Variants in CCDC141 observed in about 807,000 individuals in gnomAD.
CCDC141 encodes the protein coiled-coil domain-containing protein 141.
Under a neutral mutation model 181.0 loss-of-function variants are expected in CCDC141, and 168 were observed. The observed-to-expected ratio is 0.93, with a 90% CI of 0.82 to 1.05. CCDC141 has a LOEUF of 1.05. Ranked by LOEUF, CCDC141 falls within the 50% of genes least tolerant of loss-of-function variation. The pLI, the probability that CCDC141 is intolerant of heterozygous loss-of-function variation, is 0.00. For synonymous variants in CCDC141, 666 were observed against 642.3 expected (o/e 1.04, Z -0.56); for missense variants, 1,902 against 1,788.5 (o/e 1.06, Z -1.14).
chr2:178,821,278 G>A, the CCDC141 span, among the ~76,000 whole-genome samples: 542 of 152,014 alleles, frequency 3.6e-3, 3 homozygotes, highest in Non-Finnish European at 5.3e-3. Context: ...TTTCTTTATT[G>A]AATAAATAGA....
chr2:178,985,957 A>G (rs2154381718), intron 2 of CCDC141, among the ~76,000 whole-genome samples: 1 of 152,304 alleles, frequency 6.6e-6, no homozygotes, highest in South Asian at 2.1e-4. Flanking sequence ...ATCCACCCTA[A>G]CTCATTTTAT....
chr2:179,036,705 G>C (rs2043154752), intron 2 of CCDC141, among the ~76,000 whole-genome samples: 1 of 152,208 alleles, frequency 6.6e-6, no homozygotes, highest in Admixed American at 6.5e-5. Context: ...ATTCCCACTA[G>C]ACCACAATTC....
intron 2 of CCDC141, among the ~76,000 whole-genome samples, chr2:179,015,126 T>TG (rs2042424874): frequency 9.8e-6 from 1 of 102,404 alleles, no homozygotes; most frequent in Non-Finnish European, 2.1e-5. Context: ...ATCATATATA[T>TG]ATATCATATC....
intron 23 of CCDC141, chr2:178,836,563 G>A (rs1684483090): frequency 4.9e-6 from 1 of 206,140 alleles, no homozygotes; most frequent in Non-Finnish European, 9.9e-6. Context: ...TGCTTATATG[G>A]AAATAGACAA....
chr2:178,841,017 TATATG>T (rs1684694555), intron 22 of CCDC141, among the ~76,000 whole-genome samples: 1 of 152,212 alleles, frequency 6.6e-6, no homozygotes, highest in African/African-American at 2.4e-5. Context: ...CTTCTTGACT[TATATG>T]ATATGTTTTT....
At chr2:178,923,918 C>A (rs528702176) in intron 6 of CCDC141, among the ~76,000 whole-genome samples, 1 of 152,298 alleles carries the variant, frequency 6.6e-6, no homozygotes, top group East Asian at 1.9e-4. Flanking sequence ...TTCCTTCCCC[C>A]CACTGCTAGT....
At chr2:178,893,932 A>G (rs1312336726) in intron 8 of CCDC141, among the ~76,000 whole-genome samples, 1 of 152,116 alleles carries the variant, frequency 6.6e-6, no homozygotes, top group Non-Finnish European at 1.5e-5. Flanking sequence ...TCTTGTTCAG[A>G]TGCATGTAGA....
intron 2 of CCDC141, among the ~76,000 whole-genome samples, chr2:178,980,228 T>C (rs936083522): frequency 3.3e-5 from 5 of 152,068 alleles, no homozygotes; most frequent in Non-Finnish European, 5.9e-5. Context: ...GGCGGGCAGA[T>C]CACGAGGTCA....
At chr2:178,874,215 A>G (rs1016939691) in intron 12 of CCDC141, 1 of 152,200 alleles carries the variant, frequency 6.6e-6, no homozygotes, top group Non-Finnish European at 1.5e-5. Flanking sequence ...CTTTACCAAC[A>G]ATTTCATCTC....
intron 8 of CCDC141, among the ~76,000 whole-genome samples, chr2:178,894,731 T>C (rs914179869): frequency 1.3e-5 from 2 of 150,922 alleles, no homozygotes; most frequent in African/African-American, 4.9e-5. Flanking sequence ...GTTAAAATAG[T>C]GAAAAAATAC....
the CCDC141 span, among the ~76,000 whole-genome samples, chr2:178,823,146 G>A: frequency 6.7e-6 from 1 of 149,098 alleles, no homozygotes; most frequent in Admixed American, 6.8e-5. Flanking sequence ...ATTGGTGTAC[G>A]TTAATGGTGG....
chr2:178,824,575 C>T, the CCDC141 span, among the ~76,000 whole-genome samples: 520 of 146,134 alleles, frequency 3.6e-3, 3 homozygotes, highest in African/African-American at 9.6e-3. Context: ...GCCAAGATCA[C>T]GCCACTGCAC....
chr2:179,005,703 C>G (rs1463653118), intron 2 of CCDC141, among the ~76,000 whole-genome samples: 1 of 152,074 alleles, frequency 6.6e-6, no homozygotes, highest in Non-Finnish European at 1.5e-5. Context: ...GGTGCGATCT[C>G]AGCTCACTGC....
chr2:178,954,022 A>T (rs16866578), intron 5 of CCDC141, among the ~76,000 whole-genome samples: 7,164 of 152,284 alleles, frequency 0.047, 220 homozygotes, highest in South Asian at 0.079. Context: ...TCTGATATGA[A>T]TTCTATTATC....
chr2:178,991,090 C>A (rs1692032676), intron 2 of CCDC141, among the ~76,000 whole-genome samples: 1 of 152,200 alleles, frequency 6.6e-6, no homozygotes, highest in Non-Finnish European at 1.5e-5. Context: ...CCTGCTGCAA[C>A]TCTGAGACTA....
chr2:179,029,076 T>C (rs1245741197), intron 2 of CCDC141, among the ~76,000 whole-genome samples: 1 of 152,136 alleles, frequency 6.6e-6, no homozygotes, highest in African/African-American at 2.4e-5. Context: ...CCCATGTGTA[T>C]TTTGCTTATA....
downstream of CCDC141, among the ~76,000 whole-genome samples, chr2:178,827,734 C>A (rs1429279592): frequency 6.6e-6 from 1 of 152,080 alleles, no homozygotes; most frequent in East Asian, 1.9e-4. Context: ...AATTTTATTA[C>A]CAGAGACTTG....
chr2:178,941,587 T>A (rs1360992415), intron 6 of CCDC141, among the ~76,000 whole-genome samples: 2 of 152,072 alleles, frequency 1.3e-5, no homozygotes, highest in Non-Finnish European at 2.9e-5. Flanking sequence ...AGGAAAATCT[T>A]ACATTGGAAA....
the CCDC141 span, among the ~76,000 whole-genome samples, chr2:178,815,999 T>C: frequency 6.6e-6 from 1 of 152,182 alleles, no homozygotes; most frequent in African/African-American, 2.4e-5. Flanking sequence ...AGTCCTGGCA[T>C]CCAGAAGCTG....
Sources: gnomAD v4.1 joint callset for allele counts (sites outside exome capture counted in the v4.1 genomes callset) on GRCh38, gnomAD v4.1.1 for gene constraint, MANE v1.5 for transcripts, NCBI Gene and HGNC (gene_info 2026-07-23, HGNC 2026-07-21) for gene names.